The following LRPPRC variants were observed in gnomAD, a reference collection of about 807,000 sequenced individuals.
LRPPRC encodes the protein leucine rich pentatricopeptide repeat containing.
LRPPRC carries 120 observed loss-of-function variants against 180.3 expected under a neutral mutation model. The ratio of observed to expected loss-of-function variants is 0.67; its 90% CI spans 0.57 to 0.77. The LOEUF (loss-of-function observed/expected upper bound fraction) is 0.77, where lower values mean the gene tolerates loss of function less well. Ranked by LOEUF, LRPPRC falls within the 30% of genes least tolerant of loss-of-function variation. The probability of loss-of-function intolerance (pLI) is 0.00; values close to 1 mark genes in which losing one functional copy is unlikely to be tolerated. For synonymous variants in LRPPRC, 723 were observed against 600.0 expected, an observed-to-expected ratio of 1.21 and a Z score of -3.00; for missense variants, 2,012 against 1,657.2, an observed-to-expected ratio of 1.21 and a Z score of -3.72.
At chr2:43,989,610 C>A (rs573093937) in intron 1 of LRPPRC, among the ~76,000 whole-genome samples, 74 of 152,262 alleles carry the variant, frequency 4.9e-4, no homozygotes, top group African/African-American at 1.7e-3. Context: ...ATGTTTTTGT[C>A]CATAAGTAAT....
rs138259410 is a variant in LRPPRC at position 43,901,732 on chromosome 2, G to A, written c.3365-208C>T. 6 of 540,238 alleles carry A rather than the reference G, an allele frequency of 1.1e-5. No homozygotes were observed. In the African/African-American group the frequency reaches 1.1e-4, roughly 10 times the overall value. The allele number at this position is 540,238 out of a possible 1,614,324, so 33.5% of individuals were successfully genotyped here. On this transcript the variant is annotated intron_variant, in intron 31 of 37. Coordinates refer to ENST00000260665, the MANE Select transcript of LRPPRC (RefSeq NM_133259.4). ...ACTATATAAGATATTAGAGGCCCGA[G>A]GAATTTCTTCTTTAAGTCACAGAGA... is the stretch of plus-strand genomic sequence containing the variant.
At chr2:43,985,008 G>GT (rs369157753) in intron 1 of LRPPRC, among the ~76,000 whole-genome samples, 42 of 147,942 alleles carry the variant, frequency 2.8e-4, no homozygotes, top group Admixed American at 1.4e-3. Context: ...ATTAAGGTGG[G>GT]TTTTTTTTTA....
chr2:43,910,832 A>C (rs1027582364), intron 30 of LRPPRC, among the ~76,000 whole-genome samples: 17 of 152,108 alleles, frequency 1.1e-4, no homozygotes, highest in Non-Finnish European at 2.2e-4. Flanking sequence ...TAAATAAATA[A>C]ATAAAATTAA....
chr2:43,951,352 A>G (rs1294532277), intron 14 of LRPPRC, among the ~76,000 whole-genome samples: 2 of 152,216 alleles, frequency 1.3e-5, no homozygotes, highest in African/African-American at 2.4e-5. Flanking sequence ...AGCCTACCAC[A>G]TTTGAAAAAC....
chr2:43,923,339 A>G (rs78015360), intron 27 of LRPPRC, among the ~76,000 whole-genome samples: 3 of 151,970 alleles, frequency 2.0e-5, no homozygotes, highest in African/African-American at 7.3e-5. Flanking sequence ...GAAAAAAAAA[A>G]TTATTAGCAA....
intron 25 of LRPPRC, among the ~76,000 whole-genome samples, chr2:43,929,779 A>G (rs756667962): frequency 5.9e-5 from 9 of 152,198 alleles, no homozygotes; most frequent in Non-Finnish European, 1.2e-4. Context: ...CTTGAAGACC[A>G]TGTATAATAA....
intron 35 of LRPPRC, 147 bp downstream of exon 35, chr2:43,896,487 T>G: frequency 1.6e-6 from 1 of 634,710 alleles, no homozygotes; most frequent in Non-Finnish European, 2.9e-6. Flanking sequence ...ACGACAAAAC[T>G]GACTCTAAGT....
intron 3 of LRPPRC, among the ~76,000 whole-genome samples, chr2:43,978,865 A>T (rs1674175597): frequency 6.6e-6 from 1 of 152,086 alleles, no homozygotes; most frequent in Admixed American, 6.5e-5. Flanking sequence ...TAACTAGAAG[A>T]GGTATGGATT....
At chr2:43,889,518 C>A (rs1196356722) in intron 37 of LRPPRC, among the ~76,000 whole-genome samples, 2 of 152,038 alleles carry the variant, frequency 1.3e-5, no homozygotes, top group African/African-American at 4.8e-5. Flanking sequence ...AGGTCTGAGA[C>A]AGACCTTGTA....
intron 1 of LRPPRC, among the ~76,000 whole-genome samples, chr2:43,989,110 T>C (rs1027693163): frequency 2.0e-5 from 3 of 152,150 alleles, no homozygotes; most frequent in African/African-American, 7.2e-5. Context: ...TGGCTTCAAG[T>C]GATCTTCCTG....
At chr2:43,986,344 G>T (rs1037489584) in intron 1 of LRPPRC, among the ~76,000 whole-genome samples, 1 of 152,012 alleles carries the variant, frequency 6.6e-6, no homozygotes, top group Admixed American at 6.6e-5. Flanking sequence ...TGGCCAGGCT[G>T]GTCTCAAACT....
Position 43,901,348 on chromosome 2 carries a change from T to C in LRPPRC, c.3541A>G (p.Asn1181Asp), listed in dbSNP as rs756829451. 2 of 1,613,806 alleles carry C rather than the reference T, an allele frequency of 1.2e-6. No homozygotes were observed. The highest frequency in any genetic ancestry group is 8.5e-7 in the Non-Finnish European group (1 of 1,179,840). The change falls in exon 32 of 38, where the codon AAT becomes GAT. Residue 1181 changes from asparagine to aspartate, a missense_variant. By Grantham distance (23) the Asn-to-Asp change is conservative (BLOSUM62 1). Transcript: ENST00000260665. The stretch of plus-strand genomic sequence containing the variant: ...TTTATTTGAGCCAAAGCAATGTTAT[T>C]GATGAAAACCATTTTTGAAAGTCCA... ...SIGLSKMVFI[N>D]NIALAQIKNN...
At chr2:43,947,159 G>T (rs1037291671) in intron 20 of LRPPRC, 98 bp downstream of exon 20, 1 of 629,754 alleles carries the variant, frequency 1.6e-6, no homozygotes, top group East Asian at 2.8e-5. Flanking sequence ...GACATATAAC[G>T]ATCAATTGTA....
chr2:43,967,144 A>G (rs1308369717), intron 11 of LRPPRC, among the ~76,000 whole-genome samples: 1 of 152,174 alleles, frequency 6.6e-6, no homozygotes, highest in Non-Finnish European at 1.5e-5. Flanking sequence ...CATGCTTGTA[A>G]TCCCAGCACT....
Position 43,975,107 on chromosome 2 carries a change from A to T in LRPPRC, c.848T>A (p.Ile283Asn). ...AAGTCATACCTGCTTAACATGGTCA[A>T]TGTCGCCCTTCTCAGCATATGCATT... ...LLNAYAEKGD[I>N]DHVKQTLEKV... The change falls in exon 7 of 38, where the codon ATT becomes AAT. Residue 283 changes from isoleucine to asparagine, a missense_variant. Ile to Asn is a moderately radical substitution (Grantham distance 149). Transcript: ENST00000260665. The T allele has an allele frequency of 6.2e-7, 1 of 1,613,306 alleles. No individual in the cohort carries two copies. Among genetic ancestry groups the T allele is most frequent in the East Asian group, 2.2e-5 (1 of 44,834 alleles).
chr2:43,911,525 T>TTTC (rs1056522473), intron 30 of LRPPRC, among the ~76,000 whole-genome samples: 15 of 93,748 alleles, frequency 1.6e-4, no homozygotes, highest in African/African-American at 5.6e-4. Flanking sequence ...TTCTTCTTCT[T>TTTC]TTTTTTTTTT....
intron 13 of LRPPRC, among the ~76,000 whole-genome samples, chr2:43,958,616 A>C (rs1032598163): frequency 1.3e-5 from 2 of 152,210 alleles, no homozygotes; most frequent in Non-Finnish European, 2.9e-5. Flanking sequence ...AGGGAACACC[A>C]CCACATGCCT....
At chr2:43,941,850 A>C (rs1274083993) in intron 23 of LRPPRC, among the ~76,000 whole-genome samples, 1 of 151,278 alleles carries the variant, frequency 6.6e-6, no homozygotes, top group African/African-American at 2.4e-5. Flanking sequence ...AAAAAAAAAA[A>C]AAAAAAAACT....
intron 27 of LRPPRC, among the ~76,000 whole-genome samples, chr2:43,921,981 C>A (rs987485623): frequency 3.9e-5 from 6 of 152,168 alleles, no homozygotes; most frequent in African/African-American, 1.4e-4. Flanking sequence ...TACTTTCTAT[C>A]TGTAAAGAAG....
Sources: gnomAD v4.1 joint callset for allele counts (sites outside exome capture counted in the v4.1 genomes callset) on GRCh38, gnomAD v4.1.1 for gene constraint, MANE v1.5 for transcripts, NCBI Gene and HGNC (gene_info 2026-07-23, HGNC 2026-07-21) for gene names.